The following CACNA1D variants were observed in gnomAD, a reference collection of about 807,000 sequenced individuals.
The protein encoded by CACNA1D is voltage-dependent L-type calcium channel subunit alpha-1D.
Under a neutral mutation model 257.1 loss-of-function variants are expected in CACNA1D, and 55 were observed. That is an observed-to-expected ratio of 0.21 (90% CI 0.17 to 0.27). The LOEUF is 0.27. Among genes scored for constraint, CACNA1D ranks in the 10% least tolerant of loss-of-function variants. The pLI, the probability that CACNA1D is intolerant of heterozygous loss-of-function variation, is 1.00. For missense variants in CACNA1D, 1,876 were observed against 2,784.0 expected (o/e 0.67, Z 7.34); for synonymous variants, 980 against 1,014.9 (o/e 0.97, Z 0.65).
Position 53,812,384 on chromosome 3 carries a change from T to G in CACNA1D, c.*978T>G, listed in dbSNP as rs1305328777. On this transcript the variant is annotated 3_prime_UTR_variant, in exon 48 of 48. Coordinates refer to ENST00000350061, the MANE Select transcript of CACNA1D (RefSeq NM_001128840.3). Reference sequence around the variant, plus strand: ...CGAAAATCCTCTGGGGTTAAAATTTTAAGTTTGAAAGAACTTGACACTACA... The same window carrying G: ...CGAAAATCCTCTGGGGTTAAAATTTGAAGTTTGAAAGAACTTGACACTACA... 1 of 152,358 alleles carries G rather than the reference T, an allele frequency of 6.6e-6. No homozygotes were observed. The highest frequency in any genetic ancestry group is 1.5e-5 in the Non-Finnish European group (1 of 68,034). 9.4% of individuals were successfully genotyped at this position (152,358 alleles called of 1,614,324 possible). A position where few individuals can be genotyped will look rare whatever the true frequency, so the allele number is the denominator to read the frequency against.
At chr3:53,710,611 TTTC>T in intron 9 of CACNA1D, 1 of 361,066 alleles carries the variant, frequency 2.8e-6, no homozygotes, top group Middle Eastern at 3.8e-4. Flanking sequence ...GCTTGATTTC[TTTC>T]TTCTTGTCTT....
In CACNA1D at chr3:53,718,703, C is replaced by T. The variant is rs755222694; in HGVS notation, c.1478+315C>T. The T allele has an allele frequency of 4.5e-6, 7 of 1,558,736 alleles. No individual in the cohort carries two copies. The highest frequency in any genetic ancestry group is 4.8e-5 in the East Asian group (2 of 41,980). ...TTAGGTGCTGGTGGAGACGGAGAGG[C>T]GCGGCCAAGGCGGGGCCCTCTGGGT... On this transcript the variant is annotated intron_variant, in intron 10 of 47. Transcript: ENST00000350061.
Position 53,723,370 on chromosome 3 carries a change from G to T in CACNA1D, c.1667-64G>T. The T allele has an allele frequency of 8.5e-7, 1 of 1,176,176 alleles. No individual in the cohort carries two copies. 72.9% of individuals were successfully genotyped at this position (1,176,176 alleles called of 1,614,324 possible). On this transcript the variant is annotated intron_variant, in intron 12 of 47. Transcript: ENST00000350061. The surrounding 1 kb of genome is among the most constrained non-coding windows in gnomAD (Gnocchi z 5.6). ...GGCCTGATAGGGAGGGAGGTGTGAGGGGCACGAGCAGTCTGAGTGTCTTGC... is the reference window on the plus strand; with the variant it reads ...GGCCTGATAGGGAGGGAGGTGTGAGTGGCACGAGCAGTCTGAGTGTCTTGC...
chr3:53,788,677 G>C (rs889373897), intron 40 of CACNA1D, among the ~76,000 whole-genome samples: 5 of 152,148 alleles, frequency 3.3e-5, no homozygotes, highest in African/African-American at 1.2e-4. Context: ...AGATGGTTTA[G>C]TTCCATTTCC....
intron 21 of CACNA1D, chr3:53,740,562 T>C (rs1476911183): frequency 4.0e-6 from 2 of 503,814 alleles, no homozygotes; most frequent in African/African-American, 2.0e-5. Flanking sequence ...TTTGATTTTT[T>C]ATGGGTTTTT....
At chr3:53,718,637 G>C in intron 10 of CACNA1D, 2 of 1,350,860 alleles carry the variant, frequency 1.5e-6, no homozygotes, top group Non-Finnish European at 2.0e-6. Flanking sequence ...AGTAGAGCCC[G>C]TGAAGAATGT....
intron 3 of CACNA1D, among the ~76,000 whole-genome samples, chr3:53,520,615 A>C (rs1405676343): frequency 1.3e-5 from 2 of 152,182 alleles, no homozygotes; most frequent in Non-Finnish European, 2.9e-5. Flanking sequence ...AAAATACAAA[A>C]AATAGTCAGA....
At chr3:53,716,856 A>G (rs1031823234) in intron 9 of CACNA1D, among the ~76,000 whole-genome samples, 1 of 152,162 alleles carries the variant, frequency 6.6e-6, no homozygotes, top group Non-Finnish European at 1.5e-5. Context: ...TCCTCAAGAA[A>G]CTTCTCAGAC....
intron 20 of CACNA1D, among the ~76,000 whole-genome samples, chr3:53,737,287 T>C (rs2095067497): frequency 6.6e-6 from 1 of 152,038 alleles, no homozygotes; most frequent in Non-Finnish European, 1.5e-5. Flanking sequence ...AAAGAAAAAA[T>C]ATTTTGGGGG....
chr3:53,616,645 G>T (rs1264261716), intron 3 of CACNA1D, among the ~76,000 whole-genome samples: 1 of 152,134 alleles, frequency 6.6e-6, no homozygotes, highest in African/African-American at 2.4e-5. Flanking sequence ...TTTTTGTTTT[G>T]TGTGTGTTTT....
rs1049136063 is a variant in CACNA1D, at chr3:53,726,218, C to T, written c.2101-661C>T. Among the ~76,000 whole-genome samples the T allele has an allele frequency of 3.9e-5, 6 of 152,304 alleles. 1 individual carries two copies. Among genetic ancestry groups the T allele is most frequent in the Admixed American group, 1.3e-4 (2 of 15,292 alleles). Reference sequence around the variant, plus strand: ...TTTATGTCTGAAAACTCAGAGAAGACACCTAGTGCTTGTTTTCTTTGTGTG... The same window carrying T: ...TTTATGTCTGAAAACTCAGAGAAGATACCTAGTGCTTGTTTTCTTTGTGTG... On this transcript the variant is annotated intron_variant, in intron 14 of 47. Transcript: ENST00000350061.
rs1287263167 is a variant in CACNA1D, at chr3:53,495,072, T to G, written c.-95T>G. ...CGAGAATAAGGGCAGGGACCGCGGC[T>G]CCTACCTCTTGGTGATCCCCTTCCC... On this transcript the variant is annotated 5_prime_UTR_variant, in exon 1 of 48. Coordinates refer to ENST00000350061, the MANE Select transcript of CACNA1D (RefSeq NM_001128840.3). The surrounding 1 kb of genome is among the most constrained non-coding windows in gnomAD (Gnocchi z 5.1). 13 of 728,176 alleles carry G rather than the reference T, an allele frequency of 1.8e-5. No homozygotes were observed. Among genetic ancestry groups the G allele is most frequent in the Non-Finnish European group, 2.7e-5 (12 of 447,898 alleles). 45.1% of individuals were successfully genotyped at this position (728,176 alleles called of 1,614,324 possible). A position where few individuals can be genotyped will look rare whatever the true frequency, so the allele number is the denominator to read the frequency against.
At chr3:53,501,756 A>G in intron 3 of CACNA1D, 36 bp downstream of exon 3, 3 of 1,167,942 alleles carry the variant, frequency 2.6e-6, no homozygotes, top group Admixed American at 3.4e-5. Flanking sequence ...GTCCTGGTAT[A>G]TGGTTATCAT....
In CACNA1D at chr3:53,542,292, G is replaced by T. The variant is rs76076324; in HGVS notation, c.483+40572G>T. On this transcript the variant is annotated intron_variant, in intron 3 of 47. Coordinates refer to ENST00000350061, the MANE Select transcript of CACNA1D (RefSeq NM_001128840.3). ...TTGAATGGATGGTAAAGAGTTGTCT[G>T]GTCTGGGCTAGATGCAGTGGCTCGT... 3.2e-3 allele frequency among the ~76,000 whole-genome samples: 480 copies of T among 151,930 alleles called. 3 individuals carry two copies. Among genetic ancestry groups the T allele is most frequent in the African/African-American group, 0.01 (433 of 41,470 alleles).
chr3:53,690,842 A>G (rs916600482), intron 8 of CACNA1D, among the ~76,000 whole-genome samples: 8 of 152,166 alleles, frequency 5.3e-5, no homozygotes, highest in Non-Finnish European at 1.0e-4. Flanking sequence ...TCACACAGCA[A>G]ACTGTAGTGA....
intron 9 of CACNA1D, among the ~76,000 whole-genome samples, chr3:53,714,503 T>TTGTGC (rs2094798031): frequency 6.6e-6 from 1 of 152,272 alleles, no homozygotes; most frequent in South Asian, 2.1e-4. Context: ...AGCCTGATTT[T>TTGTGC]TGTGCTGTCG....
chr3:53,501,157 A>T (rs1449657179), intron 2 of CACNA1D, among the ~76,000 whole-genome samples: 1 of 152,230 alleles, frequency 6.6e-6, no homozygotes, highest in Non-Finnish European at 1.5e-5. Flanking sequence ...CCCTGCCAAG[A>T]ATAGCCCCTG....
At chr3:53,782,258 G>GTATATATA (rs1475863956) in intron 39 of CACNA1D, 20 of 52,122 alleles carry the variant, frequency 3.8e-4, no homozygotes, top group Admixed American at 6.8e-4. Flanking sequence ...GTGTGTGTGT[G>GTATATATA]TGTGTGTATA....
chr3:53,706,390 C>T (rs577885297), intron 9 of CACNA1D, among the ~76,000 whole-genome samples: 4 of 152,298 alleles, frequency 2.6e-5, no homozygotes, highest in East Asian at 1.9e-4. Context: ...GCCCCTTCTC[C>T]GGATGTGGCT....
Sources: allele counts gnomAD v4.1 joint callset (sites outside exome capture counted in the v4.1 genomes callset), GRCh38; gene constraint gnomAD v4.1.1; non-coding constraint Gnocchi (gnomAD v3.1); transcripts MANE v1.5; gene names NCBI Gene and HGNC (gene_info 2026-07-23, HGNC 2026-07-21).